MYRFL: variants seen among roughly 807,000 people sequenced by gnomAD.
MYRFL encodes the protein myelin regulatory factor like.
In MYRFL, 88 loss-of-function variants were observed where a neutral mutation model predicts 109.4. The ratio of observed to expected loss-of-function variants is 0.80; its 90% confidence interval spans 0.68 to 0.96. The LOEUF is 0.96. Ranked by LOEUF, MYRFL falls within the 40% of genes least tolerant of loss-of-function variation. The pLI is 0.00. For synonymous variants in MYRFL, 324 were observed against 320.9 expected, an observed-to-expected ratio of 1.01 and a Z score of -0.10; for missense variants, 957 against 954.9, an observed-to-expected ratio of 1.00 and a Z score of -0.03.
intron 2 of MYRFL, among the ~76,000 whole-genome samples, chr12:69,875,613 C>T (rs142107049): frequency 1.7e-3 from 266 of 152,312 alleles, no homozygotes; most frequent in Non-Finnish European, 3.3e-3. Flanking sequence ...AGAGCATTCC[C>T]GCCTGGGCTC....
chr12:69,936,078 GTTTTTTTTTTTTTTTTTT>G lies in MYRFL; in HGVS notation c.1917-23_1917-6del, dbSNP rs71098067. 2.2e-6 allele frequency: 2 copies of G among 891,622 alleles called. No homozygotes were observed. The highest frequency in any genetic ancestry group is 2.9e-6 in the Non-Finnish European group (2 of 699,782). 55.2% of individuals were successfully genotyped at this position (891,622 alleles called of 1,614,324 possible). On this transcript the variant is annotated splice_polypyrimidine_tract_variant and intron_variant, in intron 16 of 24. Transcript: ENST00000552032. ...TCTGGAAACAAATCTGCCACATAAT[GTTTTTTTTTTTTTTTTTT>G]TTTTTTTTTTTGACAGTGCTTTGAC...
intron 19 of MYRFL, among the ~76,000 whole-genome samples, chr12:69,941,710 C>T (rs1379527436): frequency 7.0e-6 from 1 of 143,042 alleles, no homozygotes; most frequent in Non-Finnish European, 1.5e-5. Flanking sequence ...GAAATAGAGA[C>T]ACAAAAAACC....
chr12:69,927,955 T>C (rs930450745), intron 15 of MYRFL, among the ~76,000 whole-genome samples: 21 of 152,178 alleles, frequency 1.4e-4, no homozygotes, highest in Admixed American at 9.2e-4. Flanking sequence ...GTACAGAATA[T>C]GTCAGTCTCA....
At chr12:69,888,125 GT>G (rs1444002657) in intron 6 of MYRFL, among the ~76,000 whole-genome samples, 1 of 152,136 alleles carries the variant, frequency 6.6e-6, no homozygotes, top group Non-Finnish European at 1.5e-5. Flanking sequence ...TTTTAAGTTT[GT>G]TTGAACAGCC....
At chr12:69,935,706 A>G (rs1955429489) in intron 16 of MYRFL, among the ~76,000 whole-genome samples, 1 of 152,160 alleles carries the variant, frequency 6.6e-6, no homozygotes, top group African/African-American at 2.4e-5. Flanking sequence ...CCATCTCCCA[A>G]TGCGACAGTG....
At chr12:69,932,033 G>A (rs1955288634) in intron 15 of MYRFL, among the ~76,000 whole-genome samples, 1 of 152,168 alleles carries the variant, frequency 6.6e-6, no homozygotes, top group African/African-American at 2.4e-5. Flanking sequence ...TTTAAAAAGT[G>A]TTTAGTGGGA....
rs373446626 is a variant in MYRFL at position 69,937,575 on chromosome 12, C to T, written c.2224+943C>T. Among the ~76,000 whole-genome samples the T allele has an allele frequency of 2.0e-4, 30 of 152,186 alleles. 1 individual carries two copies. The South Asian group carries it at 3.7e-3, about 19-fold the overall frequency. On this transcript the variant is annotated intron_variant, in intron 19 of 24. Transcript: ENST00000552032. ...TAAAAGAACAAGGCAAATTATGTTCCGACTCTTAAAGCTTCCACCTATGTA... is the reference window on the plus strand; with the variant it reads ...TAAAAGAACAAGGCAAATTATGTTCTGACTCTTAAAGCTTCCACCTATGTA...
At chr12:69,826,655 A>G (rs1445957718) in intron 1 of MYRFL, among the ~76,000 whole-genome samples, 2 of 152,082 alleles carry the variant, frequency 1.3e-5, no homozygotes, top group East Asian at 1.9e-4. Context: ...AGTTTCTACA[A>G]GTCCCCTCTA....
chr12:69,834,129 G>A (rs1278849302), intron 1 of MYRFL, among the ~76,000 whole-genome samples: 1 of 152,178 alleles, frequency 6.6e-6, no homozygotes, highest in Non-Finnish European at 1.5e-5. Context: ...GCTATGCTCA[G>A]AAGTGCAGTA....
chr12:69,868,416 C>A (rs920888144), intron 2 of MYRFL, among the ~76,000 whole-genome samples: 4 of 152,094 alleles, frequency 2.6e-5, no homozygotes, highest in African/African-American at 9.7e-5. Context: ...CCAGACCAAA[C>A]CTCAGTTTCA....
In MYRFL at chr12:69,958,777, C is replaced by T. The variant is rs1014659906; in HGVS notation, c.*246C>T. The T allele has an allele frequency of 9.6e-5, 41 of 427,168 alleles. No homozygotes were observed. The highest frequency in any genetic ancestry group is 1.2e-5 in the Non-Finnish European group (3 of 242,990). 26.5% of individuals were successfully genotyped at this position (427,168 alleles called of 1,614,324 possible). A position where few individuals can be genotyped will look rare whatever the true frequency, so the allele number is the denominator to read the frequency against. On this transcript the variant is annotated 3_prime_UTR_variant, in exon 25 of 25. Coordinates refer to ENST00000552032, the MANE Select transcript of MYRFL (RefSeq NM_182530.3). ...ACTATGAAGAAAACATTTCCTGGAG[C>T]AAACAGTTCTGTTGAATTTAAAAAT...
chr12:69,832,208 A>G (rs1413931515), intron 1 of MYRFL, among the ~76,000 whole-genome samples: 1 of 152,128 alleles, frequency 6.6e-6, no homozygotes, highest in Admixed American at 6.6e-5. Context: ...ACATTTTTTG[A>G]GCAATGTTAT....
intron 13 of MYRFL, among the ~76,000 whole-genome samples, chr12:69,917,197 A>G (rs1378008886): frequency 2.0e-5 from 3 of 152,136 alleles, no homozygotes; most frequent in African/African-American, 7.2e-5. Flanking sequence ...GTTTCATTTT[A>G]AGAGTCAGGG....
At chr12:69,948,076 A>G (rs982229243) in intron 19 of MYRFL, among the ~76,000 whole-genome samples, 2 of 152,168 alleles carry the variant, frequency 1.3e-5, no homozygotes, top group African/African-American at 4.8e-5. Context: ...TATAATGAAT[A>G]TCACTGGAAG....
At chr12:69,945,426 C>A (rs1273823595) in intron 19 of MYRFL, among the ~76,000 whole-genome samples, 1 of 152,156 alleles carries the variant, frequency 6.6e-6, no homozygotes, top group Non-Finnish European at 1.5e-5. Flanking sequence ...CAAATACTTA[C>A]CATTGTGTTA....
chr12:69,845,319 A>T (rs1883463478), intron 1 of MYRFL, among the ~76,000 whole-genome samples: 1 of 152,154 alleles, frequency 6.6e-6, no homozygotes, highest in Non-Finnish European at 1.5e-5. Context: ...AATGCTTGGC[A>T]CATGGTAGGT....
At chr12:69,889,490 CCCT>C (rs1270880121) in intron 6 of MYRFL, among the ~76,000 whole-genome samples, 3 of 151,956 alleles carry the variant, frequency 2.0e-5, no homozygotes, top group Admixed American at 6.6e-5. Flanking sequence ...ATTATACTTA[CCCT>C]AATCCAAAAA....
At chr12:69,944,650 A>G (rs140840061) in intron 19 of MYRFL, among the ~76,000 whole-genome samples, 5,235 of 152,038 alleles carry the variant, frequency 0.034, 311 homozygotes, top group African/African-American at 0.12. Flanking sequence ...TAACCTGCAC[A>G]ATGTGCACAT....
At chr12:69,917,132 G>A (rs184554144) in intron 13 of MYRFL, among the ~76,000 whole-genome samples, 1 of 152,266 alleles carries the variant, frequency 6.6e-6, no homozygotes, top group Non-Finnish European at 1.5e-5. Context: ...GGGCCTTAGA[G>A]CAGTGCCGAG....
Sources: allele counts gnomAD v4.1 joint callset (sites outside exome capture counted in the v4.1 genomes callset), GRCh38; gene constraint gnomAD v4.1.1; transcripts MANE v1.5; gene names NCBI Gene and HGNC (gene_info 2026-07-23, HGNC 2026-07-21).